The following AFG2A variants were observed in gnomAD, a reference collection of about 807,000 sequenced individuals.
The protein encoded by AFG2A is AAA ATPase AFG2A.
chr4:123,246,569 C>T, the AFG2A span, among the ~76,000 whole-genome samples: 2 of 152,042 alleles, frequency 1.3e-5, no homozygotes, highest in African/African-American at 4.8e-5. Context: ...TCTAAGCATC[C>T]TCTACCAGTG....
At chr4:122,947,778 T>C in the AFG2A span, among the ~76,000 whole-genome samples, 227 of 152,122 alleles carry the variant, frequency 1.5e-3, 1 homozygote, top group Non-Finnish European at 2.1e-3. Flanking sequence ...GTCAACCAAC[T>C]GTGGTCTGAA....
chr4:123,256,144 A>G, the AFG2A span: 42 of 1,613,878 alleles, frequency 2.6e-5, no homozygotes, highest in Non-Finnish European at 3.3e-5. Flanking sequence ...ACCTGGATGA[A>G]CTCATCCTTC....
At chr4:122,982,288 C>A in the AFG2A span, among the ~76,000 whole-genome samples, 1 of 151,996 alleles carries the variant, frequency 6.6e-6, no homozygotes, top group Admixed American at 6.6e-5. Flanking sequence ...TTTAAGGTGG[C>A]GTATCATGTT....
At chr4:122,975,360 A>G in the AFG2A span, among the ~76,000 whole-genome samples, 1 of 152,216 alleles carries the variant, frequency 6.6e-6, no homozygotes, top group Non-Finnish European at 1.5e-5. Context: ...CTCACCTCCC[A>G]TCAGTGTGTC....
At chr4:123,159,655 C>T in the AFG2A span, among the ~76,000 whole-genome samples, 5 of 152,216 alleles carry the variant, frequency 3.3e-5, no homozygotes, top group Non-Finnish European at 7.4e-5. Flanking sequence ...GTTACAGGCT[C>T]CTCTGGGAAG....
At chr4:123,064,935 G>A in the AFG2A span, among the ~76,000 whole-genome samples, 1 of 152,036 alleles carries the variant, frequency 6.6e-6, no homozygotes, top group Non-Finnish European at 1.5e-5. Flanking sequence ...TTGTGTTTAG[G>A]TGCTATTCTC....
the AFG2A span, among the ~76,000 whole-genome samples, chr4:123,184,024 G>A: frequency 6.6e-6 from 1 of 151,878 alleles, no homozygotes; most frequent in Non-Finnish European, 1.5e-5. Context: ...TTGAACTCCT[G>A]GGCTCAAGTG....
At chr4:123,291,498 C>T in the AFG2A span, among the ~76,000 whole-genome samples, 1 of 152,198 alleles carries the variant, frequency 6.6e-6, no homozygotes, top group Non-Finnish European at 1.5e-5. Context: ...TTTAGCATCT[C>T]TTGTAGGGCT....
At chr4:123,265,606 C>T in the AFG2A span, among the ~76,000 whole-genome samples, 6 of 152,024 alleles carry the variant, frequency 3.9e-5, no homozygotes, top group African/African-American at 1.4e-4. Flanking sequence ...TTTAAAAGTG[C>T]TGTGAGTTTA....
the AFG2A span, among the ~76,000 whole-genome samples, chr4:122,948,835 G>A: frequency 2.6e-5 from 4 of 152,094 alleles, no homozygotes; most frequent in Admixed American, 2.0e-4. Context: ...CATATACTCC[G>A]CACCAGCATA....
At chr4:123,142,476 A>G in the AFG2A span, among the ~76,000 whole-genome samples, 2 of 152,194 alleles carry the variant, frequency 1.3e-5, no homozygotes, top group Non-Finnish European at 2.9e-5. Context: ...ACATTTGGAT[A>G]AAGCAGATAT....
chr4:123,259,031 T>C, the AFG2A span, among the ~76,000 whole-genome samples: 1 of 151,962 alleles, frequency 6.6e-6, no homozygotes, highest in Non-Finnish European at 1.5e-5. Context: ...CACGCCCAGC[T>C]AATTTTTGTA....
the AFG2A span, among the ~76,000 whole-genome samples, chr4:123,111,113 C>G: frequency 6.6e-6 from 1 of 152,126 alleles, no homozygotes; most frequent in Non-Finnish European, 1.5e-5. Context: ...AAATGCCTAC[C>G]TGTTTTCATT....
At chr4:122,983,221 G>A in the AFG2A span, among the ~76,000 whole-genome samples, 1 of 151,702 alleles carries the variant, frequency 6.6e-6, no homozygotes, top group Non-Finnish European at 1.5e-5. Flanking sequence ...TGTCAATTTT[G>A]CTTATCTTTT....
chr4:123,205,921 C>T, the AFG2A span, among the ~76,000 whole-genome samples: 12 of 152,248 alleles, frequency 7.9e-5, no homozygotes, highest in Admixed American at 5.2e-4. Context: ...ACTTAATATC[C>T]TAGGAAATCA....
chr4:123,158,026 TACAC>T, the AFG2A span, among the ~76,000 whole-genome samples: 6 of 151,826 alleles, frequency 4.0e-5, no homozygotes, highest in Admixed American at 1.3e-4. Context: ...CTTTTTCAAA[TACAC>T]ACACACACAC....
chr4:122,959,213 A>G, the AFG2A span, among the ~76,000 whole-genome samples: 3 of 152,320 alleles, frequency 2.0e-5, no homozygotes, highest in East Asian at 3.9e-4. Context: ...AAATTTAGGG[A>G]TTGAAATTCT....
the AFG2A span, among the ~76,000 whole-genome samples, chr4:123,001,771 G>A: frequency 6.6e-6 from 1 of 152,230 alleles, no homozygotes; most frequent in Non-Finnish European, 1.5e-5. Context: ...TGAGAAGAAT[G>A]TATATTCTGT....
chr4:122,923,394 C>T, the AFG2A span: 2 of 1,546,658 alleles, frequency 1.3e-6, no homozygotes, highest in Non-Finnish European at 1.8e-6. Flanking sequence ...GGTGCAGAGA[C>T]TTTTGAAAGT....
Sources: allele counts gnomAD v4.1 joint callset (sites outside exome capture counted in the v4.1 genomes callset), GRCh38; gene constraint gnomAD v4.1.1; transcripts MANE v1.5; gene names NCBI Gene and HGNC (gene_info 2026-07-23, HGNC 2026-07-21).